Variants in TXNDC17 observed in about 807,000 individuals in gnomAD.
TXNDC17 encodes thioredoxin domain-containing protein 17.
TXNDC17 carries 12 observed loss-of-function variants against 16.3 expected under a neutral mutation model. That is an observed-to-expected ratio of 0.74 (90% CI 0.47 to 1.19). The LOEUF is 1.19. Ranked by LOEUF, TXNDC17 falls within the 50% of genes most tolerant of loss-of-function variation. The pLI, the probability that TXNDC17 is intolerant of heterozygous loss-of-function variation, is 0.00. For missense variants in TXNDC17, 158 were observed against 149.7 expected, an observed-to-expected ratio of 1.06 and a Z score of -0.29; for synonymous variants, 62 against 55.0, an observed-to-expected ratio of 1.13 and a Z score of -0.56.
rs758471247 is a variant in TXNDC17, at chr17:6,644,466, T to C, written c.*1447T>C. ...TAAGTGCCTCGTTTGTATCCAGTTT[T>C]TCATTTTCCCGATGTGTTATTTTGC... On this transcript the variant is annotated 3_prime_UTR_variant, in exon 4 of 4. Coordinates refer to ENST00000250101, the MANE Select transcript of TXNDC17 (RefSeq NM_032731.4). 6.3e-7 allele frequency: 1 copy of C among 1,590,690 alleles called. No individual in the cohort carries two copies. The highest frequency in any genetic ancestry group is 1.1e-5 in the South Asian group (1 of 87,400).
intron 1 of TXNDC17, 78 bp downstream of exon 1, chr17:6,641,305 C>T: frequency 2.5e-6 from 4 of 1,577,090 alleles, no homozygotes; most frequent in African/African-American, 1.3e-5. Flanking sequence ...GGGGGCTTAG[C>T]GGAGGCAGAG....
At position 6,641,844 on chromosome 17, in the gene TXNDC17, A is replaced by G. The variant is rs775211345; in HGVS notation, c.227+10A>G. On this transcript the variant is annotated intron_variant, in intron 2 of 3. Transcript: ENST00000250101. ...TAGGAGAAAAGCCTTAGTAAGTGGC[A>G]ATGTATAATCTACCTCGCAGACGTG... 6.2e-7 allele frequency: 1 copy of G among 1,613,360 alleles called. No homozygotes were observed. Among genetic ancestry groups the G allele is most frequent in the Admixed American group, 1.7e-5 (1 of 60,000 alleles).
Position 6,643,059 on chromosome 17 carries a change from T to C in TXNDC17, c.*40T>C. 1 of 1,538,118 alleles carries C rather than the reference T, an allele frequency of 6.5e-7. No individual in the cohort carries two copies. Among genetic ancestry groups the C allele is most frequent in the Non-Finnish European group, 9.0e-7 (1 of 1,111,830 alleles). On this transcript the variant is annotated 3_prime_UTR_variant, in exon 4 of 4. Coordinates refer to ENST00000250101, the MANE Select transcript of TXNDC17 (RefSeq NM_032731.4). Reference sequence around the variant, plus strand: ...AATCATGTCTTGATGTCCTGATTTGTTCTAGTATCAATAAACTGTATACTT... The same window carrying C: ...AATCATGTCTTGATGTCCTGATTTGCTCTAGTATCAATAAACTGTATACTT...
Position 6,644,477 on chromosome 17 carries a change from G to C in TXNDC17, c.*1458G>C. ...TTTGTATCCAGTTTTTCATTTTCCCGATGTGTTATTTTGCTGTTGCTGCTC... is the reference window on the plus strand; with the variant it reads ...TTTGTATCCAGTTTTTCATTTTCCCCATGTGTTATTTTGCTGTTGCTGCTC... On this transcript the variant is annotated 3_prime_UTR_variant, in exon 4 of 4. Coordinates refer to ENST00000250101, the MANE Select transcript of TXNDC17 (RefSeq NM_032731.4). The C allele has an allele frequency of 6.9e-6, 11 of 1,595,256 alleles. No homozygotes were observed. The highest frequency in any genetic ancestry group is 9.4e-6 in the Non-Finnish European group (11 of 1,172,164).
intron 3 of TXNDC17, chr17:6,642,534 A>G: frequency 2.0e-6 from 1 of 499,246 alleles, no homozygotes; most frequent in Non-Finnish European, 3.6e-6. Context: ...GTCACTCTTA[A>G]AAAACCAGAA....
intron 1 of TXNDC17, 126 bp downstream of exon 1, chr17:6,641,353 C>T: frequency 3.0e-6 from 4 of 1,351,282 alleles, no homozygotes; most frequent in Non-Finnish European, 4.0e-6. Flanking sequence ...TCTGAGCTGT[C>T]CCCAAGTCTC....
chr17:6,642,305 C>A lies in TXNDC17; in HGVS notation c.284C>A (p.Thr95Lys). The A allele has an allele frequency of 6.2e-7, 1 of 1,609,290 alleles. No individual in the cohort carries two copies. Among genetic ancestry groups the A allele is most frequent in the Non-Finnish European group, 8.5e-7 (1 of 1,176,794 alleles). The part of the protein sequence containing the change: ...RKNLKVTAVP[T>K]LLKYGTPQKL... ...AACTTGAAAGTAACAGCAGTGCCTACACTACTTAAGTATGGAACAGTAAGT... is the reference window on the plus strand; with the variant it reads ...AACTTGAAAGTAACAGCAGTGCCTAAACTACTTAAGTATGGAACAGTAAGT... Residue 95 changes from threonine (T) to lysine (K), a missense_variant, in exon 3 of 4, where the codon ACA becomes AAA. Physicochemically the swap from Thr to Lys is moderately conservative, Grantham distance 78 (BLOSUM62 -1). Transcript: ENST00000250101.
chr17:6,643,935 T>A lies in TXNDC17; in HGVS notation c.*916T>A. The A allele has an allele frequency of 2.5e-6, 1 of 394,668 alleles. No individual in the cohort carries two copies. Among genetic ancestry groups the A allele is most frequent in the Admixed American group, 4.4e-5 (1 of 22,636 alleles). The allele number at this position is 394,668 out of a possible 1,614,324, so 24.4% of individuals were successfully genotyped here. ...TGATTCAGTGATTCTTAAAGCCACC[T>A]TGCAAAGCAGGTAATACAGTTATTT... On this transcript the variant is annotated 3_prime_UTR_variant, in exon 4 of 4. Coordinates refer to ENST00000250101, the MANE Select transcript of TXNDC17 (RefSeq NM_032731.4).
In TXNDC17 at chr17:6,644,266, T is replaced by A; in HGVS notation, c.*1247T>A. 1.7e-6 allele frequency: 1 copy of A among 589,756 alleles called. No individual in the cohort carries two copies. Among genetic ancestry groups the A allele is most frequent in the Non-Finnish European group, 2.7e-6 (1 of 375,232 alleles). 36.5% of individuals were successfully genotyped at this position (589,756 alleles called of 1,614,324 possible). ...GTAAAAAAGAAAAACACCTTACAAA[T>A]CCACAGGGAAATCAAAGAACAATTC... On this transcript the variant is annotated 3_prime_UTR_variant, in exon 4 of 4. Transcript: ENST00000250101.
At position 6,641,909 on chromosome 17, in the gene TXNDC17, T is replaced by TA. The variant is rs1232462138; in HGVS notation, c.227+76dup. ...TTAGGCGGGAAGGGCCTCAGGGACT[T>TA]ACTTACCCAGTTTGTCTTACAAGGT... is the stretch of plus-strand genomic sequence containing the variant. On this transcript the variant is annotated intron_variant, in intron 2 of 3. Coordinates refer to ENST00000250101, the MANE Select transcript of TXNDC17 (RefSeq NM_032731.4). 6.1e-6 allele frequency: 8 copies of TA among 1,308,424 alleles called. No individual in the cohort carries two copies. In the African/African-American group the frequency reaches 1.2e-4, roughly 19 times the overall value. 81.1% of individuals were successfully genotyped at this position (1,308,424 alleles called of 1,614,324 possible). A position where few individuals can be genotyped will look rare whatever the true frequency, so the allele number is the denominator to read the frequency against.
intron 1 of TXNDC17, 166 bp from the exon 2 acceptor site, chr17:6,641,587 G>A: frequency 2.8e-6 from 2 of 716,290 alleles, no homozygotes; most frequent in East Asian, 5.4e-5. Flanking sequence ...CCTTAACGTG[G>A]CTCTAAGACC....
chr17:6,641,387 C>G, intron 1 of TXNDC17, 160 bp downstream of exon 1: 1 of 1,058,926 alleles, frequency 9.4e-7, no homozygotes, highest in Non-Finnish European at 1.3e-6. Flanking sequence ...CTACCCCGCC[C>G]TGCCAAGAGC....
chr17:6,641,686 AAC>A (rs1344274681), intron 1 of TXNDC17, 65 bp from the exon 2 acceptor site: 7 of 1,489,444 alleles, frequency 4.7e-6, no homozygotes, highest in East Asian at 4.6e-5. Context: ...AGGGGGAAAG[AAC>A]ACAGTTTATA....
At position 6,644,015 on chromosome 17, in the gene TXNDC17, A is replaced by G; in HGVS notation, c.*996A>G. On this transcript the variant is annotated 3_prime_UTR_variant, in exon 4 of 4. Coordinates refer to ENST00000250101, the MANE Select transcript of TXNDC17 (RefSeq NM_032731.4). ...GCAGTTCCTGTCCTATGATTTAAAG[A>G]GGTCAGTGACTCCGCTACTCTCACT... 2.5e-6 allele frequency: 1 copy of G among 399,572 alleles called. No individual in the cohort carries two copies. The allele number at this position is 399,572 out of a possible 1,614,324, so 24.8% of individuals were successfully genotyped here. A position where few individuals can be genotyped will look rare whatever the true frequency, so the allele number is the denominator to read the frequency against.
In TXNDC17 at chr17:6,643,169, C is replaced by A; in HGVS notation, c.*150C>A. 1 of 618,668 alleles carries A rather than the reference C, an allele frequency of 1.6e-6. No individual in the cohort carries two copies. The highest frequency in any genetic ancestry group is 2.8e-6 in the Non-Finnish European group (1 of 357,344). 38.3% of individuals were successfully genotyped at this position (618,668 alleles called of 1,614,324 possible). A position where few individuals can be genotyped will look rare whatever the true frequency, so the allele number is the denominator to read the frequency against. ...AGAGTGCTATTAAAATGCCCATGAA[C>A]CTTTAGTTTGCCTGTAATACATGGA... On this transcript the variant is annotated 3_prime_UTR_variant, in exon 4 of 4. Transcript: ENST00000250101.
At chr17:6,641,508 T>C in intron 1 of TXNDC17, 1 of 631,762 alleles carries the variant, frequency 1.6e-6, no homozygotes, top group South Asian at 2.0e-5. Flanking sequence ...GGTCAGCAAA[T>C]ACATGTGCTT....
In TXNDC17 at chr17:6,642,376, A is replaced by T. The variant is rs746907873; in HGVS notation, c.303+52A>T. ...TGTAATTCACTGTCAGAACTCTTTTAACTTGCTGTGGATCCAGATTTGAAA... is the reference window on the plus strand; with the variant it reads ...TGTAATTCACTGTCAGAACTCTTTTTACTTGCTGTGGATCCAGATTTGAAA... On this transcript the variant is annotated intron_variant, in intron 3 of 3. Transcript: ENST00000250101. 9 of 1,250,484 alleles carry T rather than the reference A, an allele frequency of 7.2e-6. No individual in the cohort carries two copies. In the African/African-American group the frequency reaches 1.2e-4, roughly 17 times the overall value. 77.5% of individuals were successfully genotyped at this position (1,250,484 alleles called of 1,614,324 possible).
At position 6,641,203 on chromosome 17, in the gene TXNDC17, A is replaced by G; in HGVS notation, c.121A>G (p.Ser41Gly). Residue 41 changes from serine to glycine, a missense_variant, in exon 1 of 4, where the codon AGC (serine) becomes GGC (glycine). Physicochemically the swap from Ser to Gly is moderately conservative, Grantham distance 56. Coordinates refer to ENST00000250101, the MANE Select transcript of TXNDC17 (RefSeq NM_032731.4). ...FTGSKDAGGK[S>G]WCPDCVQAEP... ...GGGTTCTAAGGACGCCGGGGGGAAA[A>G]GCTGGTGCCCCGACTGCGTGCAGGG... 1 of 1,613,548 alleles carries G rather than the reference A, an allele frequency of 6.2e-7. No individual in the cohort carries two copies. The highest frequency in any genetic ancestry group is 8.5e-7 in the Non-Finnish European group (1 of 1,180,016).
At chr17:6,641,898 C>A in intron 2 of TXNDC17, 64 bp downstream of exon 2, 2 of 1,430,390 alleles carry the variant, frequency 1.4e-6, no homozygotes, top group Non-Finnish European at 2.0e-6. Context: ...GCGGGAAGGG[C>A]CTCAGGGACT....
Sources: allele counts gnomAD v4.1 joint callset, GRCh38; gene constraint gnomAD v4.1.1; transcripts MANE v1.5; gene names NCBI Gene and HGNC (gene_info 2026-07-23, HGNC 2026-07-21).